SETD1A: variants seen among roughly 807,000 people sequenced by gnomAD.
SETD1A encodes SET domain containing 1A, histone lysine methyltransferase.
Under a neutral mutation model 149.9 loss-of-function variants are expected in SETD1A, and 29 were observed. The observed-to-expected ratio is 0.19, with a 90% CI of 0.14 to 0.26. SETD1A has a LOEUF of 0.26. Among genes scored for constraint, SETD1A ranks in the 10% least tolerant of loss-of-function variants. The pLI is 1.00. For synonymous variants in SETD1A, 1,141 were observed against 968.5 expected, an observed-to-expected ratio of 1.18 and a Z score of -3.31; for missense variants, 2,109 against 2,353.1, an observed-to-expected ratio of 0.90 and a Z score of 2.15.
chr16:30,966,502 G>T, intron 8 of SETD1A, 116 bp downstream of exon 8: 1 of 1,439,256 alleles, frequency 6.9e-7, no homozygotes, highest in Non-Finnish European at 9.2e-7. Context: ...GTGGAGAGAG[G>T]CCGCAGGCCC....
chr16:30,962,337 T>C (rs1379311014), intron 4 of SETD1A, among the ~76,000 whole-genome samples: 1 of 152,236 alleles, frequency 6.6e-6, no homozygotes, highest in Non-Finnish European at 1.5e-5. Flanking sequence ...AGTACTGGTA[T>C]TACAGGCATG....
chr16:30,960,373 T>A (rs989398367), intron 3 of SETD1A, among the ~76,000 whole-genome samples: 22 of 152,194 alleles, frequency 1.4e-4, no homozygotes, highest in Non-Finnish European at 2.6e-4. Context: ...AACACCAAGT[T>A]GTTTTATATT....
intron 13 of SETD1A, among the ~76,000 whole-genome samples, chr16:30,978,598 G>T (rs1042693806): frequency 6.6e-6 from 1 of 152,260 alleles, no homozygotes; most frequent in Non-Finnish European, 1.5e-5. Context: ...TTCTGTAGGG[G>T]ATGGGGAGGA....
chr16:30,966,977 G>C lies in SETD1A; in HGVS notation c.2599G>C (p.Ala867Pro). 6.3e-7 allele frequency: 1 copy of C among 1,592,598 alleles called. No individual in the cohort carries two copies. The highest frequency in any genetic ancestry group is 8.5e-7 in the Non-Finnish European group (1 of 1,170,212). The change falls in exon 9 of 19, where the codon GCC becomes CCC. Residue 867 changes from alanine (A) to proline (P), a missense_variant. Transcript: ENST00000262519. Reference protein sequence around the residue: ...EPGLLSLVDWAKSGGTTGIEA... With the variant: ...EPGLLSLVDWPKSGGTTGIEA... ...TGGCCTGCTGTCCCTCGTGGACTGG[G>C]CCAAGAGCGGGGGCACTACGGGCAT...
At chr16:30,981,317 T>C in intron 17 of SETD1A, 137 bp downstream of exon 17, 1 of 1,091,890 alleles carries the variant, frequency 9.2e-7, no homozygotes, top group Non-Finnish European at 1.3e-6. Context: ...CCAGCCTCCC[T>C]CCGGTGTGGT....
In SETD1A at chr16:30,969,604, TGAG is replaced by T. The variant is rs769692597; in HGVS notation, c.2937_2939del (p.Glu979del). The T allele has an allele frequency of 6.2e-7, 1 of 1,613,768 alleles. No homozygotes were observed. The highest frequency in any genetic ancestry group is 1.7e-5 in the Admixed American group (1 of 60,018). On this transcript the variant is annotated inframe_deletion, in exon 12 of 19. Transcript: ENST00000262519. ...CCTCATTTGTCTTTTTTCTTAAGGA[TGAG>T]GAGGATGACGAGGAAGATGAGGAAG...
Position 30,966,112 on chromosome 16 carries a change from C to CA in SETD1A, c.2232dup (p.Arg745ThrfsTer80). On this transcript the variant is annotated frameshift_variant, in exon 8 of 19. Transcript: ENST00000262519. LOFTEE classifies it high-confidence loss of function. ...GGGCAGGAGGGCAGAGGGGCATACT[C>CA]ACGGGAGGCCTACCACCTGCCCATG... 1 of 1,598,978 alleles carries CA rather than the reference C, an allele frequency of 6.3e-7. No homozygotes were observed.
chr16:30,977,166 G>C (rs986036435), intron 13 of SETD1A, among the ~76,000 whole-genome samples: 1 of 152,144 alleles, frequency 6.6e-6, no homozygotes, highest in African/African-American at 2.4e-5. Flanking sequence ...GGATGGTCTC[G>C]ATCTCTTGAC....
chr16:30,981,250 CT>C lies in SETD1A; in HGVS notation c.4812+71del, dbSNP rs2056373870. On this transcript the variant is annotated intron_variant, in intron 17 of 18. Transcript: ENST00000262519. ...GACAGCATGGGGGCTCACACACATG[CT>C]GTTTGTCCGGTTAAAGCCTTGCACA... 1.4e-5 allele frequency: 23 copies of C among 1,586,940 alleles called. No homozygotes were observed. In the East Asian group the frequency reaches 5.2e-4, roughly 36 times the overall value.
At chr16:30,960,269 A>G (rs993589659) in intron 3 of SETD1A, among the ~76,000 whole-genome samples, 2 of 152,152 alleles carry the variant, frequency 1.3e-5, no homozygotes, top group African/African-American at 4.8e-5. Flanking sequence ...GGACACTGAC[A>G]TGTATGGTTA....
rs1346351124 is a variant in SETD1A at position 30,964,207 on chromosome 16, C to G, written c.753C>G (p.Ser251Arg). Residue 251 changes from serine to arginine, a missense_variant, in exon 6 of 19, where the codon AGC (serine) becomes AGG (arginine). By Grantham distance (110) the Ser-to-Arg change is moderately radical (BLOSUM62 -1). Around this residue, in one of 8 missense-constraint regions of SETD1A, gnomAD observed 410 missense variants for 394.8 expected, o/e 1.04. Transcript: ENST00000262519. Reference protein sequence around the residue: ...TPCSQDTSFSSSRQDTPSSFG... With the variant: ...TPCSQDTSFSRSRQDTPSSFG... ...GCTCCCAGGACACAAGCTTCTCCAG[C>G]AGCCGACAAGATACCCCATCTTCCT... 1 of 1,614,056 alleles carries G rather than the reference C, an allele frequency of 6.2e-7. No homozygotes were observed. Among genetic ancestry groups the G allele is most frequent in the African/African-American group, 1.3e-5 (1 of 74,924 alleles).
chr16:30,958,584 A>G (rs1596667206), intron 1 of SETD1A, 133 bp from the exon 2 acceptor site: 1 of 701,222 alleles, frequency 1.4e-6, no homozygotes, highest in African/African-American at 1.8e-5. Context: ...AATCCGGGGG[A>G]GCCCCGGGTC....
At chr16:30,960,119 C>CAA (rs2056029617) in intron 3 of SETD1A, among the ~76,000 whole-genome samples, 1 of 152,180 alleles carries the variant, frequency 6.6e-6, no homozygotes, top group Non-Finnish European at 1.5e-5. Flanking sequence ...CTCATTGCCA[C>CAA]TTAATGTAGA....
At chr16:30,974,471 T>C (rs941499328) in intron 13 of SETD1A, among the ~76,000 whole-genome samples, 2 of 152,036 alleles carry the variant, frequency 1.3e-5, no homozygotes, top group African/African-American at 4.8e-5. Flanking sequence ...CTGAGAGCGG[T>C]GACCAGAGGC....
At position 30,961,579 on chromosome 16, in the gene SETD1A, G is replaced by A. The variant is rs762854262; in HGVS notation, c.517+42G>A. The A allele has an allele frequency of 4.4e-6, 7 of 1,599,964 alleles. No individual in the cohort carries two copies. Among genetic ancestry groups the A allele is most frequent in the South Asian group, 1.1e-5 (1 of 89,748 alleles). ...CTGCCACTCAGGCTTGGCCTCCAGC[G>A]GAGGTTGTACATGCAAATGCCTGTC... On this transcript the variant is annotated intron_variant, in intron 4 of 18. Transcript: ENST00000262519. The surrounding 1 kb of genome is among the most constrained non-coding windows in gnomAD (Gnocchi z 4.0).
intron 8 of SETD1A, 105 bp from the exon 9 acceptor site, chr16:30,966,779 A>G (rs533022864): frequency 7.8e-7 from 1 of 1,284,360 alleles, no homozygotes; most frequent in East Asian, 2.6e-5. Context: ...GATATGGAGC[A>G]GCAAGTAGAT....
intron 3 of SETD1A, 90 bp downstream of exon 3, chr16:30,959,276 T>C: frequency 1.1e-6 from 1 of 892,060 alleles, no homozygotes; most frequent in Non-Finnish European, 1.9e-6. Flanking sequence ...GGGTTTCCAA[T>C]GAAAGGATCT....
Position 30,979,996 on chromosome 16 carries a change from C to G in SETD1A, c.4210C>G (p.Pro1404Ala). The change falls in exon 14 of 19, where the codon CCG becomes GCG. Residue 1404 changes from proline (P) to alanine (A), a missense_variant. Pro to Ala is a conservative substitution (Grantham distance 27). Coordinates refer to ENST00000262519, the MANE Select transcript of SETD1A (RefSeq NM_014712.3). Reference protein sequence around the residue: ...LRSHARRRRPPPPPPPPPPRA... With the variant: ...LRSHARRRRPAPPPPPPPPRA... ...CTCCCACGCCCGGCGCCGCCGCCCT[C>G]CGCCCCCACCCCCGCCGCCACCGCC... 18 of 1,245,848 alleles carry G rather than the reference C, an allele frequency of 1.4e-5. No homozygotes were observed. Among genetic ancestry groups the G allele is most frequent in the Non-Finnish European group, 1.8e-5 (17 of 925,636 alleles). The allele number at this position is 1,245,848 out of a possible 1,614,324, so 77.2% of individuals were successfully genotyped here.
At chr16:30,966,816 G>A (rs2056154031) in intron 8 of SETD1A, 68 bp from the exon 9 acceptor site, 3 of 1,463,928 alleles carry the variant, frequency 2.0e-6, no homozygotes, top group Non-Finnish European at 2.7e-6. Context: ...GGGTCCGGGA[G>A]TAGGTCTCAG....
Sources: allele counts gnomAD v4.1 joint callset (sites outside exome capture counted in the v4.1 genomes callset), GRCh38; gene constraint gnomAD v4.1.1; regional missense constraint gnomAD v4.1.1; non-coding constraint Gnocchi (gnomAD v3.1); transcripts MANE v1.5; gene names NCBI Gene and HGNC (gene_info 2026-07-23, HGNC 2026-07-21).